Variants in USP34 observed in about 807,000 individuals in gnomAD.
USP34 encodes the protein ubiquitin specific peptidase 34.
USP34 carries 70 observed loss-of-function variants against 460.3 expected under a neutral mutation model. The ratio of observed to expected loss-of-function variants is 0.15; its 90% CI spans 0.13 to 0.19. USP34 has a LOEUF of 0.19. Ranked by LOEUF, USP34 falls within the 10% of genes least tolerant of loss-of-function variation. USP34 has a pLI of 1.00. For missense variants in USP34, 3,985 were observed against 4,236.2 expected, an observed-to-expected ratio of 0.94 and a Z score of 1.65; for synonymous variants, 1,647 against 1,405.3, an observed-to-expected ratio of 1.17 and a Z score of -3.85.
intron 58 of USP34, among the ~76,000 whole-genome samples, chr2:61,231,108 T>C (rs1010077046): frequency 1.1e-4 from 16 of 152,152 alleles, no homozygotes; most frequent in African/African-American, 3.9e-4. Flanking sequence ...GAATAAATCC[T>C]GAAAAGATTG....
intron 67 of USP34, among the ~76,000 whole-genome samples, chr2:61,216,923 GAA>G (rs1257182328): frequency 1.0e-5 from 1 of 99,876 alleles, no homozygotes; most frequent in Non-Finnish European, 2.2e-5. Flanking sequence ...ATCTCAAAAA[GAA>G]AAAAAAAAAA....
intron 2 of USP34, among the ~76,000 whole-genome samples, chr2:61,413,560 T>C (rs1573016645): frequency 8.8e-6 from 1 of 113,320 alleles, no homozygotes; most frequent in Non-Finnish European, 1.8e-5. Flanking sequence ...CTCAGGAGGC[T>C]GAGGCAGGAG....
At chr2:61,303,924 G>A (rs1458743412) in intron 27 of USP34, among the ~76,000 whole-genome samples, 1 of 151,866 alleles carries the variant, frequency 6.6e-6, no homozygotes, top group Non-Finnish European at 1.5e-5. Flanking sequence ...GTTTTGAGGA[G>A]TCTCGCTCTG....
At chr2:61,396,957 C>A (rs1410285797) in intron 3 of USP34, among the ~76,000 whole-genome samples, 1 of 152,054 alleles carries the variant, frequency 6.6e-6, no homozygotes, top group Admixed American at 6.6e-5. Flanking sequence ...AAAATGCTGT[C>A]TGAAAATAAG....
intron 57 of USP34, among the ~76,000 whole-genome samples, chr2:61,233,207 T>TA (rs1687963973): frequency 6.6e-6 from 1 of 152,030 alleles, no homozygotes; most frequent in Non-Finnish European, 1.5e-5. Context: ...TCTTTCTGTT[T>TA]AAAAACAAAT....
intron 27 of USP34, among the ~76,000 whole-genome samples, chr2:61,307,320 T>TGGGGGAA (rs1690442483): frequency 3.7e-5 from 1 of 26,780 alleles, no homozygotes; most frequent in Admixed American, 5.4e-4. Context: ...TGTCATGGGG[T>TGGGGGAA]GGGGGGAGGG....
intron 10 of USP34, among the ~76,000 whole-genome samples, chr2:61,369,441 G>C (rs942804439): frequency 5.9e-5 from 9 of 151,964 alleles, no homozygotes; most frequent in African/African-American, 2.2e-4. Context: ...TCAGGAGTTC[G>C]AGACCAGCCT....
intron 27 of USP34, among the ~76,000 whole-genome samples, chr2:61,308,048 C>CA (rs1195834466): frequency 1.3e-5 from 2 of 149,880 alleles, no homozygotes; most frequent in Non-Finnish European, 3.0e-5. Context: ...GACCCTGTCT[C>CA]AAAAAAATAA....
intron 75 of USP34, 46 bp downstream of exon 75, chr2:61,203,094 G>A (rs773459747): frequency 6.8e-7 from 1 of 1,474,028 alleles, no homozygotes; most frequent in African/African-American, 1.4e-5. Context: ...ATGACTAGGG[G>A]CTTAAAATAA....
chr2:61,198,362 A>C (rs1686869433), intron 75 of USP34, among the ~76,000 whole-genome samples: 2 of 152,170 alleles, frequency 1.3e-5, no homozygotes, highest in Non-Finnish European at 2.9e-5. Flanking sequence ...TGGTTTACTT[A>C]ACCAAGCTCC....
chr2:61,302,543 G>A (rs781168359), intron 27 of USP34, among the ~76,000 whole-genome samples: 28 of 152,094 alleles, frequency 1.8e-4, no homozygotes, highest in East Asian at 3.9e-4. Context: ...TTTGACAAAC[G>A]TTCAATCCTA....
At chr2:61,462,963 C>T (rs553460338) in intron 1 of USP34, among the ~76,000 whole-genome samples, 22 of 148,172 alleles carry the variant, frequency 1.5e-4, no homozygotes, top group Non-Finnish European at 2.7e-4. Context: ...CCCAGGAGGT[C>T]AAGTTATAGT....
intron 1 of USP34, among the ~76,000 whole-genome samples, chr2:61,463,181 A>C (rs1157671949): frequency 3.3e-5 from 5 of 152,054 alleles, no homozygotes; most frequent in African/African-American, 9.7e-5. Flanking sequence ...AACAGTATTA[A>C]GAAAGATTCT....
chr2:61,329,953 G>C (rs1315318665), intron 20 of USP34, among the ~76,000 whole-genome samples: 1 of 152,176 alleles, frequency 6.6e-6, no homozygotes, highest in Admixed American at 6.5e-5. Flanking sequence ...CAGATAGAAA[G>C]AATGAACCAG....
At chr2:61,458,197 T>G (rs1695493050) in intron 1 of USP34, among the ~76,000 whole-genome samples, 1 of 152,118 alleles carries the variant, frequency 6.6e-6, no homozygotes, top group Non-Finnish European at 1.5e-5. Flanking sequence ...GAACCAGAGC[T>G]ACTTCAGACT....
chr2:61,389,260 T>C (rs945414377), intron 5 of USP34, among the ~76,000 whole-genome samples: 2 of 152,184 alleles, frequency 1.3e-5, no homozygotes, highest in African/African-American at 2.4e-5. Flanking sequence ...GTTTCTTGGT[T>C]TGAGTGATGG....
chr2:61,350,756 T>C, intron 10 of USP34, 63 bp from the exon 11 acceptor site: 2 of 1,520,134 alleles, frequency 1.3e-6, no homozygotes, highest in African/African-American at 1.4e-5. Context: ...GATTACCTGA[T>C]ATAAAAACAG....
At chr2:61,285,023 C>CAA in intron 34 of USP34, 66 bp from the exon 35 acceptor site, 1 of 1,334,628 alleles carries the variant, frequency 7.5e-7, no homozygotes, top group South Asian at 1.4e-5. Flanking sequence ...AAAAAGCACT[C>CAA]AAGATTTAGT....
intron 53 of USP34, among the ~76,000 whole-genome samples, chr2:61,240,412 G>A (rs1408384538): frequency 1.3e-5 from 2 of 151,966 alleles, no homozygotes; most frequent in Non-Finnish European, 2.9e-5. Flanking sequence ...CCGAGTAGCT[G>A]GGACTACAGG....
Sources: allele counts gnomAD v4.1 joint callset (sites outside exome capture counted in the v4.1 genomes callset), GRCh38; gene constraint gnomAD v4.1.1; transcripts MANE v1.5; gene names NCBI Gene and HGNC (gene_info 2026-07-23, HGNC 2026-07-21).